The following ODF2 variants were observed in gnomAD, a reference collection of about 807,000 sequenced individuals.
ODF2 encodes outer dense fiber protein 2.
ODF2 carries 47 observed loss-of-function variants against 110.2 expected under a neutral mutation model. The observed-to-expected ratio is 0.43, with a 90% confidence interval of 0.34 to 0.54. ODF2 has a LOEUF of 0.54. Ranked by LOEUF, ODF2 falls within the 20% of genes least tolerant of loss-of-function variation. The probability of loss-of-function intolerance (pLI) is 0.03; values close to 1 mark genes in which losing one functional copy is unlikely to be tolerated. For synonymous variants in ODF2, 352 were observed against 397.7 expected (o/e 0.89, Z 1.37); for missense variants, 812 against 1,054.5 (o/e 0.77, Z 3.19).
chr9:128,470,486 C>A (rs1839707212), intron 5 of ODF2, among the ~76,000 whole-genome samples: 3 of 151,716 alleles, frequency 2.0e-5, no homozygotes, highest in African/African-American at 2.4e-5. Context: ...CAAAAATTTG[C>A]CAGGCACACG....
At chr9:128,481,497 G>A in intron 8 of ODF2, 83 bp from the exon 9 acceptor site, 1 of 1,087,044 alleles carries the variant, frequency 9.2e-7, no homozygotes, top group Non-Finnish European at 1.3e-6. Context: ...TACAATTTTT[G>A]GAAAAGGTAA....
intron 5 of ODF2, among the ~76,000 whole-genome samples, chr9:128,471,027 C>T (rs960022118): frequency 2.0e-5 from 3 of 151,970 alleles, no homozygotes; most frequent in Non-Finnish European, 4.4e-5. Context: ...GACTCTCTTG[C>T]TTCAGCTTCC....
chr9:128,459,701 T>A (rs1564453980), intron 3 of ODF2, 44 bp downstream of exon 2: 5 of 1,485,788 alleles, frequency 3.4e-6, no homozygotes, highest in Middle Eastern at 1.7e-4. Flanking sequence ...GTCACCTTGC[T>A]AAAAATGCTT....
intron 4 of ODF2, among the ~76,000 whole-genome samples, chr9:128,465,971 C>T (rs1564466673): frequency 6.6e-6 from 1 of 151,586 alleles, no homozygotes; most frequent in Non-Finnish European, 1.5e-5. Flanking sequence ...GAAACCCCGT[C>T]TCTACTAAAA....
chr9:128,487,838 C>A, intron 13 of ODF2, 52 bp from the exon 14 acceptor site: 1 of 1,596,748 alleles, frequency 6.3e-7, no homozygotes, highest in Non-Finnish European at 8.6e-7. Flanking sequence ...CACACACAAA[C>A]AAACCTGTGT....
At chr9:128,481,714 A>ACTTTGTAGTGG in intron 9 of ODF2, 63 bp downstream of exon 9, 3 of 1,354,638 alleles carry the variant, frequency 2.2e-6, no homozygotes, top group Non-Finnish European at 3.2e-6. Flanking sequence ...GTTCCACTAC[A>ACTTTGTAGTGG]AAGTGTAGAG....
Position 128,487,828 on chromosome 9 carries a change from C to G in ODF2, c.1401-62C>G, listed in dbSNP as rs966274808. ...AAACACACACACACACACACACACA[C>G]ACACACAAACAAACCTGTGTAATTG... On this transcript the variant is annotated intron_variant, in intron 13 of 20. Coordinates refer to ENST00000604420, the Ensembl canonical transcript of ODF2. 4.5e-6 allele frequency: 7 copies of G among 1,558,980 alleles called. No homozygotes were observed. The Middle Eastern group carries it at 5.1e-4, about 113-fold the overall frequency.
At chr9:128,455,185 A>G (rs1268846740), upstream of ODF2, 5 of 1,535,496 alleles carry the variant, frequency 3.3e-6, no homozygotes, top group Admixed American at 3.9e-5. Flanking sequence ...ACAGTGAAGC[A>G]TAATTGAGAA....
chr9:128,495,919 A>T, intron 17 of ODF2, 122 bp from the exon 18 acceptor site: 1 of 1,154,166 alleles, frequency 8.7e-7, no homozygotes, highest in Non-Finnish European at 1.3e-6. Flanking sequence ...GTGCGTTGAG[A>T]CTTGGACACC....
At position 128,485,024 on chromosome 9, in the gene ODF2, G is replaced by A; in HGVS notation, c.1290+138G>A. 1.1e-6 allele frequency: 1 copy of A among 938,376 alleles called. No homozygotes were observed. Among genetic ancestry groups the A allele is most frequent in the Non-Finnish European group, 1.6e-6 (1 of 609,972 alleles). The allele number at this position is 938,376 out of a possible 1,614,324, so 58.1% of individuals were successfully genotyped here. On this transcript the variant is annotated intron_variant, in intron 12 of 20. Transcript: ENST00000604420. The surrounding 1 kb of genome is among the most constrained non-coding windows in gnomAD (Gnocchi z 5.0). ...AGTGGTGGAAAGGATAGATGGCTGG[G>A]GAGGAGGGAGAGGGAGTTAAGGGGA...
chr9:128,488,157 G>A, intron 14 of ODF2, 132 bp downstream of exon 14: 1 of 1,078,374 alleles, frequency 9.3e-7, no homozygotes, highest in Non-Finnish European at 1.3e-6. Flanking sequence ...ACCAGGCATG[G>A]TGGCTTAGGC....
intron 4 of ODF2, 124 bp from the exon 5 acceptor site, chr9:128,469,059 C>T: frequency 1.2e-6 from 1 of 811,008 alleles, no homozygotes; most frequent in Non-Finnish European, 2.0e-6. Context: ...TATGTTCTTC[C>T]TGGGGTCCCC....
At chr9:128,456,317 C>A in intron 1 of ODF2, 62 bp downstream of exon 1, 1 of 1,478,584 alleles carries the variant, frequency 6.8e-7, no homozygotes, top group Non-Finnish European at 8.9e-7. Flanking sequence ...GAGACCGTCG[C>A]CTTCGCACCC....
exon 12 of ODF2, chr9:128,484,703 T>C (rs1252735300): frequency 6.4e-7 from 1 of 1,559,920 alleles, no homozygotes; most frequent in African/African-American, 1.4e-5. Flanking sequence ...CCTTCCAGAA[T>C]CTGGAGCGCA....
chr9:128,457,745 A>T (rs1381411532), intron 2 of ODF2, among the ~76,000 whole-genome samples: 1 of 152,102 alleles, frequency 6.6e-6, no homozygotes, highest in African/African-American at 2.4e-5. Flanking sequence ...GGTGTAAATA[A>T]ATAACACGTA....
In ODF2 at chr9:128,491,473, C is replaced by T. The variant is rs570505149; in HGVS notation, c.1537-953C>T. Among the ~76,000 whole-genome samples, 4 of 152,040 alleles carry T rather than the reference C, an allele frequency of 2.6e-5. No homozygotes were observed. In the East Asian group the frequency reaches 7.9e-4, roughly 30 times the overall value. On this transcript the variant is annotated intron_variant, in intron 14 of 20. Coordinates refer to ENST00000604420, the Ensembl canonical transcript of ODF2. The stretch of plus-strand genomic sequence containing the variant: ...TGGAGTTTGAGATCAGCCTGGCCAA[C>T]ATGGTAAAACCCCATCTCTACCAAA...
chr9:128,488,278 A>T (rs1187519017), intron 14 of ODF2, among the ~76,000 whole-genome samples: 1 of 152,118 alleles, frequency 6.6e-6, no homozygotes, highest in Non-Finnish European at 1.5e-5. Flanking sequence ...TACAAAAAGT[A>T]GCCAGGCGTG....
chr9:128,474,817 A>G (rs1408353266), intron 8 of ODF2, among the ~76,000 whole-genome samples: 1 of 151,468 alleles, frequency 6.6e-6, no homozygotes, highest in Non-Finnish European at 1.5e-5. Context: ...TACAAAAATG[A>G]GCCTGGCCTG....
At chr9:128,481,378 G>A (rs1842361505) in intron 8 of ODF2, among the ~76,000 whole-genome samples, 1 of 151,942 alleles carries the variant, frequency 6.6e-6, no homozygotes, top group Non-Finnish European at 1.5e-5. Flanking sequence ...TTTGGAGGCT[G>A]AGATGGGAGG....
Sources: gnomAD v4.1 joint callset for allele counts (sites outside exome capture counted in the v4.1 genomes callset) on GRCh38, gnomAD v4.1.1 for gene constraint, Gnocchi (gnomAD v3.1) non-coding constraint, MANE v1.5 for transcripts, NCBI Gene and HGNC (gene_info 2026-07-23, HGNC 2026-07-21) for gene names.